PTDSS2: variants seen among roughly 807,000 people sequenced by gnomAD.
PTDSS2 encodes the protein PSS-2.
In PTDSS2, 41 loss-of-function variants were observed where a neutral mutation model predicts 64.7. The ratio of observed to expected loss-of-function variants is 0.63; its 90% CI spans 0.49 to 0.82. PTDSS2 has a LOEUF of 0.82. Ranked by LOEUF, PTDSS2 falls within the 40% of genes least tolerant of loss-of-function variation. PTDSS2 has a pLI of 0.00. For missense variants in PTDSS2, 485 were observed against 650.0 expected (o/e 0.75, Z 2.76); for synonymous variants, 297 against 277.8 (o/e 1.07, Z -0.69).
At chr11:466,214 CT>C (rs1847133349) in intron 2 of PTDSS2, among the ~76,000 whole-genome samples, 2 of 152,004 alleles carry the variant, frequency 1.3e-5, no homozygotes, top group South Asian at 4.1e-4. Flanking sequence ...TGTTTTCATA[CT>C]GCTATAAAGA....
Position 489,454 on chromosome 11 carries a change from C to T in PTDSS2, c.909C>T (p.Phe303=), listed in dbSNP as rs767708437. 3.1e-6 allele frequency: 5 copies of T among 1,613,162 alleles called. No individual in the cohort carries two copies. The South Asian group carries it at 3.3e-5, about 11-fold the overall frequency. ...FQFTPYSWVR[F]EWKPASSLRR... ...TCACGCCGTACAGCTGGGTTCGCTT[C>T]GAGTGGAAGCCGGCCTCCAGCCTGC... Residue 303 remains phenylalanine, a synonymous_variant, in exon 9 of 12, where the codon TTC becomes TTT. Coordinates refer to ENST00000308020, the MANE Select transcript of PTDSS2 (RefSeq NM_030783.3).
In PTDSS2 at chr11:476,304, G is replaced by A. The variant is rs947922434; in HGVS notation, c.367+2327G>A. Among the ~76,000 whole-genome samples, 1 of 152,120 alleles carries A rather than the reference G, an allele frequency of 6.6e-6. No homozygotes were observed. Among genetic ancestry groups the A allele is most frequent in the African/African-American group, 2.4e-5 (1 of 41,428 alleles). On this transcript the variant is annotated intron_variant, in intron 3 of 11. Transcript: ENST00000308020. The surrounding 1 kb of genome is among the most constrained non-coding windows in gnomAD (Gnocchi z 4.9). ...GTGCAGTGATGGTGAGAAACTGCCC[G>A]TCACACAGTGAAAAGCCTGGCGCCG...
At position 490,420 on chromosome 11, in the gene PTDSS2, G is replaced by A. The variant is rs182333549; in HGVS notation, c.1302G>A (p.Arg434=). The A allele has an allele frequency of 6.2e-6, 10 of 1,613,236 alleles. No individual in the cohort carries two copies. In the Admixed American group the frequency reaches 1.0e-4, roughly 16 times the overall value. The part of the protein sequence containing the change: ...LTWTVWRFFL[R]DITLRYKETR... ...GGTGACGCTGCATCCCGCTCCCCAG[G>A]GACATCACATTGAGGTACAAGGAGA... Residue 434 remains arginine (R), a splice_region_variant and synonymous_variant, in exon 12 of 12, where the codon CGG becomes CGA. Transcript: ENST00000308020.
At position 490,628 on chromosome 11, in the gene PTDSS2, G is replaced by A. The variant is rs779293578; in HGVS notation, c.*46G>A. 21 of 1,525,158 alleles carry A rather than the reference G, an allele frequency of 1.4e-5. No homozygotes were observed. Among genetic ancestry groups the A allele is most frequent in the East Asian group, 7.3e-5 (3 of 41,182 alleles). The allele number at this position is 1,525,158 out of a possible 1,614,324, so 94.5% of individuals were successfully genotyped here. A position where few individuals can be genotyped will look rare whatever the true frequency, so the allele number is the denominator to read the frequency against. On this transcript the variant is annotated 3_prime_UTR_variant, in exon 12 of 12. Transcript: ENST00000308020. ...TGAGCCTCCCAGAGCCCAGGCCTCC[G>A]TGGCCTCCTCCTGTGTGAGTCCCAC...
At chr11:487,269 C>T (rs998796375) in intron 5 of PTDSS2, 151 bp from the exon 6 acceptor site, 5 of 929,314 alleles carry the variant, frequency 5.4e-6, no homozygotes, top group South Asian at 3.0e-5. Flanking sequence ...CTGTCGTGGA[C>T]GTGGTCTCCA....
In PTDSS2 at chr11:462,810, G is replaced by T. The variant is rs533033802; in HGVS notation, c.284+2522G>T. 7 of 152,352 alleles carry T rather than the reference G, an allele frequency of 4.6e-5. No individual in the cohort carries two copies. The highest frequency in any genetic ancestry group is 1.7e-4 in the African/African-American group (7 of 41,578). The allele number at this position is 152,352 out of a possible 1,614,324, so 9.4% of individuals were successfully genotyped here. A position where few individuals can be genotyped will look rare whatever the true frequency, so the allele number is the denominator to read the frequency against. ...CACACAGGGTGTCCAGAAGGCTGTG[G>T]GGGCTGGTTTACTTTTAATACTAGA... On this transcript the variant is annotated intron_variant, in intron 2 of 11. Coordinates refer to ENST00000308020, the MANE Select transcript of PTDSS2 (RefSeq NM_030783.3). This position sits in a 1 kb window ranked among gnomAD's most constrained non-coding sequence, Gnocchi z 4.5.
chr11:471,188 C>T (rs1355417433), intron 2 of PTDSS2, among the ~76,000 whole-genome samples: 4 of 150,914 alleles, frequency 2.7e-5, no homozygotes, highest in African/African-American at 9.8e-5. Context: ...CTCTACCTCC[C>T]AGATTCAAGT....
At chr11:459,593 C>T (rs1846778419) in intron 1 of PTDSS2, 1 of 152,992 alleles carries the variant, frequency 6.5e-6, no homozygotes, top group African/African-American at 2.4e-5. Context: ...TGGTTGTGGG[C>T]TTTTCCACCA....
Position 486,981 on chromosome 11 carries a change from A to G in PTDSS2, c.478A>G (p.Lys160Glu), listed in dbSNP as rs1848424066. Residue 160 changes from lysine to glutamate, a missense_variant, in exon 5 of 12, where the codon AAG (lysine) becomes GAG (glutamate). Physicochemically the swap from Lys to Glu is moderately conservative, Grantham distance 56 (BLOSUM62 1). This residue lies in a region of PTDSS2 where 251 missense variants were observed against 348.0 expected (regional missense o/e 0.72). Coordinates refer to ENST00000308020, the MANE Select transcript of PTDSS2 (RefSeq NM_030783.3). ...GRQFLKYVDP[K>E]LGVPLPERDY... is the part of the protein sequence containing the mutation. ...GCAGTTTCTAAAGTATGTTGACCCC[A>G]AGCTGGGAGTCCCACTGCCAGAGAG... 2 of 1,613,336 alleles carry G rather than the reference A, an allele frequency of 1.2e-6. No homozygotes were observed. Among genetic ancestry groups the G allele is most frequent in the Non-Finnish European group, 1.7e-6 (2 of 1,179,920 alleles).
intron 2 of PTDSS2, among the ~76,000 whole-genome samples, chr11:465,842 C>A (rs1246242476): frequency 2.6e-5 from 4 of 151,590 alleles, no homozygotes; most frequent in Non-Finnish European, 4.4e-5. Flanking sequence ...CTCAGGAGAC[C>A]GAGGCGAGAG....
chr11:485,933 C>T (rs1418109776), intron 4 of PTDSS2, among the ~76,000 whole-genome samples: 3 of 88,208 alleles, frequency 3.4e-5, no homozygotes, highest in African/African-American at 5.1e-5. Flanking sequence ...GCTCACCGTG[C>T]GCGCAGGCGA....
chr11:473,807 A>G (rs750983038), intron 2 of PTDSS2, 88 bp from the exon 3 acceptor site: 45 of 1,004,036 alleles, frequency 4.5e-5, no homozygotes, highest in Non-Finnish European at 5.9e-5. Context: ...CTGTTCCACA[A>G]TGGGTGTCTG....
chr11:450,355 T>G lies in PTDSS2; in HGVS notation c.-101T>G. 1 of 1,091,746 alleles carries G rather than the reference T, an allele frequency of 9.2e-7. No homozygotes were observed. Among genetic ancestry groups the G allele is most frequent in the Non-Finnish European group, 1.2e-6 (1 of 865,920 alleles). The allele number at this position is 1,091,746 out of a possible 1,614,324, so 67.6% of individuals were successfully genotyped here. On this transcript the variant is annotated 5_prime_UTR_variant, in exon 1 of 12. Transcript: ENST00000308020. Reference sequence around the variant, plus strand: ...CCCCGCGGGCCAGCGCCGCGACCCCTTCCCAGCGCTCCTCGCGCTGTGTGC... The same window carrying G: ...CCCCGCGGGCCAGCGCCGCGACCCCGTCCCAGCGCTCCTCGCGCTGTGTGC...
intron 1 of PTDSS2, among the ~76,000 whole-genome samples, chr11:452,012 C>G (rs1846351881): frequency 6.6e-6 from 1 of 152,212 alleles, no homozygotes; most frequent in African/African-American, 2.4e-5. Flanking sequence ...CCTGCCACAC[C>G]CCTTCAGGCT....
intron 2 of PTDSS2, among the ~76,000 whole-genome samples, chr11:471,094 ATTCT>A (rs896221597): frequency 1.4e-5 from 2 of 145,278 alleles, no homozygotes; most frequent in Non-Finnish European, 3.0e-5. Context: ...TACTTAAGTA[ATTCT>A]TTTTTTTTTT....
chr11:454,507 C>G (rs932429527), intron 1 of PTDSS2, among the ~76,000 whole-genome samples: 1 of 152,174 alleles, frequency 6.6e-6, no homozygotes, highest in South Asian at 2.1e-4. Flanking sequence ...AGGAAGGTCT[C>G]TGTCGTGGAA....
chr11:465,436 C>G (rs936409350), intron 2 of PTDSS2, among the ~76,000 whole-genome samples: 6 of 152,112 alleles, frequency 3.9e-5, no homozygotes, highest in Non-Finnish European at 8.8e-5. Flanking sequence ...GCCTCCCAAA[C>G]TGCTGGGATT....
In PTDSS2 at chr11:464,879, C is replaced by T. The variant is rs190694905; in HGVS notation, c.284+4591C>T. On this transcript the variant is annotated intron_variant, in intron 2 of 11. Transcript: ENST00000308020. ...ATCCTTACTTGTAATACATATAAAACATAATGCATATAAATATACTCACAG... is the reference window on the plus strand; with the variant it reads ...ATCCTTACTTGTAATACATATAAAATATAATGCATATAAATATACTCACAG... Among the ~76,000 whole-genome samples the T allele has an allele frequency of 2.8e-3, 420 of 152,246 alleles. 1 individual carries two copies. Among genetic ancestry groups the T allele is most frequent in the Admixed American group, 4.6e-3 (71 of 15,302 alleles).
intron 4 of PTDSS2, among the ~76,000 whole-genome samples, chr11:483,903 C>T (rs1848180819): frequency 1.3e-5 from 2 of 152,202 alleles, no homozygotes; most frequent in South Asian, 4.1e-4. Flanking sequence ...TGGACCTTGA[C>T]TGCCTGGCGA....
Sources: allele counts gnomAD v4.1 joint callset (sites outside exome capture counted in the v4.1 genomes callset), GRCh38; gene constraint gnomAD v4.1.1; regional missense constraint gnomAD v4.1.1; non-coding constraint Gnocchi (gnomAD v3.1); transcripts MANE v1.5; gene names NCBI Gene and HGNC (gene_info 2026-07-23, HGNC 2026-07-21).